The following SLIT3 variants were observed in gnomAD, a reference collection of about 807,000 sequenced individuals.
The protein encoded by SLIT3 is slit guidance ligand 3, also known as slit homolog 3 protein.
SLIT3 carries 68 observed loss-of-function variants against 184.0 expected under a neutral mutation model. The observed-to-expected ratio is 0.37, with a 90% CI of 0.30 to 0.45. The LOEUF is 0.45. SLIT3 is among the 20% of genes least tolerant of loss of function. SLIT3 has a pLI of 1.00. For synonymous variants in SLIT3, 831 were observed against 828.6 expected, an observed-to-expected ratio of 1.00 and a Z score of -0.05; for missense variants, 1,707 against 2,026.0, an observed-to-expected ratio of 0.84 and a Z score of 3.02.
intron 9 of SLIT3, among the ~76,000 whole-genome samples, chr5:168,804,326 A>AC (rs1234177624): frequency 1.6e-4 from 24 of 150,686 alleles, no homozygotes; most frequent in African/African-American, 5.3e-4. Flanking sequence ...AAAAAAAAAA[A>AC]AAAAAAAAAA....
At position 169,141,319 on chromosome 5, in the gene SLIT3, G is replaced by T. The variant is rs191517383; in HGVS notation, c.413+52160C>A. Among the ~76,000 whole-genome samples the T allele has an allele frequency of 9.3e-4, 142 of 152,210 alleles. 5 individuals are homozygous for T. Among genetic ancestry groups the T allele is most frequent in the African/African-American group, 3.3e-3 (138 of 41,540 alleles). ...ATCCACTGCAACAAAGCTGATTTTA[G>T]GATCTTAATTCTGCCTCTTTCCTTG... On this transcript the variant is annotated intron_variant, in intron 4 of 35. Coordinates refer to ENST00000519560, the MANE Select transcript of SLIT3 (RefSeq NM_003062.4).
intron 6 of SLIT3, among the ~76,000 whole-genome samples, chr5:168,843,440 G>C (rs1364444772): frequency 6.6e-6 from 1 of 152,098 alleles, no homozygotes; most frequent in African/African-American, 2.4e-5. Context: ...TTTTTAGGAG[G>C]AGGCTTGAGA....
intron 4 of SLIT3, among the ~76,000 whole-genome samples, chr5:168,993,415 T>C (rs1405581554): frequency 6.6e-6 from 1 of 152,164 alleles, no homozygotes; most frequent in African/African-American, 2.4e-5. Context: ...CCCTCTGTCA[T>C]CTCTCAGAAG....
At chr5:168,717,545 T>G (rs1233007931) in intron 23 of SLIT3, among the ~76,000 whole-genome samples, 1 of 152,352 alleles carries the variant, frequency 6.6e-6, no homozygotes, top group East Asian at 1.9e-4. Flanking sequence ...TCTCATTCAC[T>G]GTTTGCTTTC....
chr5:169,210,277 G>A (rs1764217290), intron 3 of SLIT3, among the ~76,000 whole-genome samples: 1 of 152,154 alleles, frequency 6.6e-6, no homozygotes, highest in Admixed American at 6.5e-5. Context: ...CCAAAATGCA[G>A]TTGTCCAATC....
intron 20 of SLIT3, among the ~76,000 whole-genome samples, chr5:168,736,489 T>TA (rs1763438104): frequency 1.3e-5 from 2 of 152,282 alleles, no homozygotes; most frequent in South Asian, 4.1e-4. Context: ...GGGCAGTTGT[T>TA]CTATTAAGTG....
In SLIT3 at chr5:168,785,898, C is replaced by G. The variant is rs1386565723; in HGVS notation, c.1151+9G>C. 6.2e-7 allele frequency: 1 copy of G among 1,606,810 alleles called. No individual in the cohort carries two copies. ...CAAAGACACCAACAGTGACAAAGTTCCTACTCACAGCAGCTGTAGGGACAC... is the reference window on the plus strand; with the variant it reads ...CAAAGACACCAACAGTGACAAAGTTGCTACTCACAGCAGCTGTAGGGACAC... On this transcript the variant is annotated intron_variant, in intron 12 of 35. Coordinates refer to ENST00000519560, the MANE Select transcript of SLIT3 (RefSeq NM_003062.4).
chr5:168,703,947 A>G (rs954586717), intron 26 of SLIT3, among the ~76,000 whole-genome samples: 1 of 95,494 alleles, frequency 1.0e-5, no homozygotes, highest in Non-Finnish European at 2.2e-5. Context: ...CTGTCTCCAA[A>G]AAAAAAAAAA....
chr5:168,913,458 TATA>T (rs1562003134), intron 4 of SLIT3, among the ~76,000 whole-genome samples: 1 of 152,290 alleles, frequency 6.6e-6, no homozygotes, highest in South Asian at 2.1e-4. Flanking sequence ...TATTAAAGAA[TATA>T]TGCCCATGAT....
At chr5:169,061,405 T>A (rs1047054854) in intron 4 of SLIT3, among the ~76,000 whole-genome samples, 6 of 152,174 alleles carry the variant, frequency 3.9e-5, no homozygotes, top group African/African-American at 1.4e-4. Context: ...TATTCACTCT[T>A]CATAATTCTC....
chr5:168,684,155 C>A, intron 31 of SLIT3, 59 bp from the exon 32 acceptor site: 1 of 1,450,432 alleles, frequency 6.9e-7, no homozygotes, highest in Non-Finnish European at 9.2e-7. Flanking sequence ...ACCTTCCCTG[C>A]CCATCTCACA....
chr5:169,103,759 T>C (rs295993), intron 4 of SLIT3, among the ~76,000 whole-genome samples: 120,271 of 151,584 alleles, frequency 0.79, 47,731 homozygotes, highest in East Asian at 0.93. Flanking sequence ...GTGTGCTCAC[T>C]CCTCGGGCCA....
intron 4 of SLIT3, among the ~76,000 whole-genome samples, chr5:169,171,748 C>CGGA (rs1317143523): frequency 6.6e-6 from 1 of 152,142 alleles, no homozygotes; most frequent in African/African-American, 2.4e-5. Context: ...ACATCTACCT[C>CGGA]GGAGGACTCA....
intron 26 of SLIT3, chr5:168,706,696 T>C (rs1043167468): frequency 2.0e-5 from 3 of 152,232 alleles, no homozygotes; most frequent in African/African-American, 7.2e-5. Flanking sequence ...TTTAAGACTT[T>C]GGAGGTGGCT....
At position 168,717,712 on chromosome 5, in the gene SLIT3, G is replaced by A. The variant is rs193003016; in HGVS notation, c.2483+4544C>T. ...ATCTCGCTCTGTGGCCAAGGCTGGA[G>A]TGCAGTGGCGTGATCTCTGCTCACT... On this transcript the variant is annotated intron_variant, in intron 23 of 35. Coordinates refer to ENST00000519560, the MANE Select transcript of SLIT3 (RefSeq NM_003062.4). Among the ~76,000 whole-genome samples the A allele has an allele frequency of 8.6e-4, 131 of 151,832 alleles. 1 individual carries two copies. The highest frequency in any genetic ancestry group is 1.4e-3 in the Non-Finnish European group (95 of 67,942).
At chr5:168,826,150 C>G (rs1028264282) in intron 6 of SLIT3, among the ~76,000 whole-genome samples, 1 of 152,156 alleles carries the variant, frequency 6.6e-6, no homozygotes, top group African/African-American at 2.4e-5. Flanking sequence ...AGTCCAGCAG[C>G]GATGACTTAT....
rs1460496498 is a variant in SLIT3 at position 168,823,263 on chromosome 5, G to A, written c.626C>T (p.Thr209Ile). The A allele has an allele frequency of 6.2e-7, 1 of 1,613,332 alleles. No homozygotes were observed. Among genetic ancestry groups the A allele is most frequent in the South Asian group, 1.1e-5 (1 of 91,058 alleles). ...GATGCACAGACTTCTTACTCACAGA[G>A]TTCGGATCTTCGGCATGTGGTTGAA... ...TSFNHMPKIRTLRLHSNHLYC... is the reference protein window; with the variant it reads ...TSFNHMPKIRILRLHSNHLYC... Residue 209 changes from threonine (T) to isoleucine (I), a missense_variant, in exon 7 of 36, where the codon ACT (threonine) becomes ATT (isoleucine). Physicochemically the swap from Thr to Ile is moderately conservative, Grantham distance 89. Around this residue, in one of 3 missense-constraint regions of SLIT3, gnomAD observed 1,307 missense variants for 1,511.6 expected, o/e 0.86. Coordinates refer to ENST00000519560, the MANE Select transcript of SLIT3 (RefSeq NM_003062.4).
rs145457028 is a variant in SLIT3, at chr5:168,753,895, C to T, written c.1798G>A (p.Val600Met). Reference protein sequence around the residue: ...GNQLETVHGRVFRGLSGLKTL... With the variant: ...GNQLETVHGRMFRGLSGLKTL... The stretch of plus-strand genomic sequence containing the variant: ...TTGAGGCCACTGAGGCCACGGAACA[C>T]GCGCCCGTGCACGGTCTCCAGCTGG... The change falls in exon 17 of 36, where the codon GTG becomes ATG. Residue 600 changes from valine to methionine, a missense_variant. By Grantham distance (21) the Val-to-Met change is conservative. Coordinates refer to ENST00000519560, the MANE Select transcript of SLIT3 (RefSeq NM_003062.4). 2,080 of 1,611,694 alleles carry T rather than the reference C, an allele frequency of 1.3e-3. 48 individuals carry two copies. The East Asian group carries it at 0.037, about 29-fold the overall frequency.
intron 4 of SLIT3, among the ~76,000 whole-genome samples, chr5:169,106,314 G>A (rs1339229856): frequency 1.3e-5 from 2 of 152,172 alleles, no homozygotes; most frequent in Non-Finnish European, 2.9e-5. Flanking sequence ...GTTTGGAGGG[G>A]AGACCACAGA....
Sources: allele counts gnomAD v4.1 joint callset (sites outside exome capture counted in the v4.1 genomes callset), GRCh38; gene constraint gnomAD v4.1.1; regional missense constraint gnomAD v4.1.1; transcripts MANE v1.5; gene names NCBI Gene and HGNC (gene_info 2026-07-23, HGNC 2026-07-21).